Variants in CALHM4 observed in about 807,000 individuals in gnomAD.
CALHM4 encodes calcium homeostasis modulator family member 4.
In CALHM4, 16 loss-of-function variants were observed where a neutral mutation model predicts 13.3. The ratio of observed to expected loss-of-function variants is 1.20; its 90% CI spans 0.81 to 1.82. CALHM4 has a LOEUF of 1.82. Ranked by LOEUF, CALHM4 falls within the 40% of genes most tolerant of loss-of-function variation. The pLI, the probability that CALHM4 is intolerant of heterozygous loss-of-function variation, is 0.00. For missense variants in CALHM4, 344 were observed against 374.9 expected, an observed-to-expected ratio of 0.92 and a Z score of 0.68; for synonymous variants, 127 against 137.1, an observed-to-expected ratio of 0.93 and a Z score of 0.52.
intron 1 of CALHM4, among the ~76,000 whole-genome samples, chr6:116,535,562 C>G (rs918773486): frequency 6.6e-6 from 1 of 152,076 alleles, no homozygotes; most frequent in Non-Finnish European, 1.5e-5. Context: ...TTTTGTATAA[C>G]TAAGGAGGTT....
chr6:116,556,038 C>T (rs72963058), intron 1 of CALHM4, among the ~76,000 whole-genome samples: 10,900 of 152,278 alleles, frequency 0.072, 644 homozygotes, highest in African/African-American at 0.17. Context: ...TTTTACATGA[C>T]TCCTATGAGC....
upstream of CALHM4, among the ~76,000 whole-genome samples, chr6:116,549,875 CTGA>C (rs1212378091): frequency 6.6e-6 from 1 of 150,414 alleles, no homozygotes; most frequent in Non-Finnish European, 1.5e-5. Flanking sequence ...ACTCGGTAGG[CTGA>C]GGCAGGAGAA....
At position 116,558,256 on chromosome 6, in the gene CALHM4, T is replaced by A. The variant is rs1227219412; in HGVS notation, c.*45T>A. 1 of 1,537,968 alleles carries A rather than the reference T, an allele frequency of 6.5e-7. No individual in the cohort carries two copies. Among genetic ancestry groups the A allele is most frequent in the South Asian group, 1.3e-5 (1 of 79,426 alleles). On this transcript the variant is annotated 3_prime_UTR_variant, in exon 2 of 2. Coordinates refer to ENST00000368596, the MANE Select transcript of CALHM4 (RefSeq NM_001366078.2). ...TCAGGTTGCTTAGCAGATACTTGGC[T>A]TTTATGGCTTTTATGATCAGGCCAT...
intron 1 of CALHM4, among the ~76,000 whole-genome samples, chr6:116,532,019 TA>T (rs1772759364): frequency 6.6e-6 from 1 of 152,172 alleles, no homozygotes; most frequent in Non-Finnish European, 1.5e-5. Flanking sequence ...TACCGCAGTT[TA>T]AATCTTGTTG....
At position 116,559,139 on chromosome 6, in the gene CALHM4, T is replaced by A. The variant is rs994849746; in HGVS notation, c.*928T>A. 6.6e-6 allele frequency among the ~76,000 whole-genome samples: 1 copy of A among 152,208 alleles called. No homozygotes were observed. The highest frequency in any genetic ancestry group is 1.5e-5 in the Non-Finnish European group (1 of 68,032). On this transcript the variant is annotated 3_prime_UTR_variant, in exon 2 of 2. Transcript: ENST00000368596. Reference sequence around the variant, plus strand: ...CTGCTTGGTGTTGCTCTGCCTGGCTTTACTAAATGCAGCCTACAGTATCTG... The same window carrying A: ...CTGCTTGGTGTTGCTCTGCCTGGCTATACTAAATGCAGCCTACAGTATCTG...
rs986549063 is a variant in CALHM4 at position 116,561,013 on chromosome 6, A to G, written c.*2802A>G. ...ATGTTTTCCAAAGCTGAATTGTAGAACCGCATTTATACTCTGTCCTTCTCT... is the reference window on the plus strand; with the variant it reads ...ATGTTTTCCAAAGCTGAATTGTAGAGCCGCATTTATACTCTGTCCTTCTCT... On this transcript the variant is annotated 3_prime_UTR_variant, in exon 2 of 2. Coordinates refer to ENST00000368596, the MANE Select transcript of CALHM4 (RefSeq NM_001366078.2). Among the ~76,000 whole-genome samples, 1 of 152,138 alleles carries G rather than the reference A, an allele frequency of 6.6e-6. No individual in the cohort carries two copies. Among genetic ancestry groups the G allele is most frequent in the Non-Finnish European group, 1.5e-5 (1 of 68,020 alleles).
chr6:116,541,328 G>A (rs1773440871), intron 1 of CALHM4, among the ~76,000 whole-genome samples: 2 of 152,098 alleles, frequency 1.3e-5, no homozygotes, highest in African/African-American at 2.4e-5. Flanking sequence ...GAAATCAAAC[G>A]GAACACTATT....
In CALHM4 at chr6:116,554,079, G is replaced by A; in HGVS notation, c.286G>A (p.Glu96Lys). Residue 96 changes from glutamate to lysine, a missense_variant, in exon 1 of 2, where the codon GAG (glutamate) becomes AAG (lysine). By Grantham distance (56) the Glu-to-Lys change is moderately conservative (BLOSUM62 1). Transcript: ENST00000368596. ...TCCATACAGGAGAATCAGCCCCCTA[G>A]AGTGCAAGCTGGCTTGCCTTAGGTT... The part of the protein sequence containing the change: ...APPYRRISPL[E>K]CKLACLRFFS... 2 of 1,550,600 alleles carry A rather than the reference G, an allele frequency of 1.3e-6. No homozygotes were observed. Among genetic ancestry groups the A allele is most frequent in the East Asian group, 2.4e-5 (1 of 40,922 alleles).
intron 1 of CALHM4, among the ~76,000 whole-genome samples, chr6:116,534,032 C>A (rs926741764): frequency 6.6e-5 from 10 of 152,152 alleles, no homozygotes; most frequent in African/African-American, 2.4e-4. Flanking sequence ...TGAATCCCAG[C>A]CTTAAGAAGT....
At chr6:116,543,088 A>G (rs1346191244) in intron 1 of CALHM4, among the ~76,000 whole-genome samples, 1 of 152,170 alleles carries the variant, frequency 6.6e-6, no homozygotes, top group African/African-American at 2.4e-5. Flanking sequence ...AAAACATCCC[A>G]CACTTGATAT....
At chr6:116,556,041 C>T (rs1774301678) in intron 1 of CALHM4, among the ~76,000 whole-genome samples, 1 of 152,226 alleles carries the variant, frequency 6.6e-6, no homozygotes, top group Non-Finnish European at 1.5e-5. Flanking sequence ...TACATGACTC[C>T]TATGAGCATG....
intron 1 of CALHM4, among the ~76,000 whole-genome samples, chr6:116,530,516 A>G (rs1296436665): frequency 6.6e-6 from 1 of 152,144 alleles, no homozygotes; most frequent in Non-Finnish European, 1.5e-5. Context: ...AATACTACCT[A>G]TTGTAGCACA....
intron 1 of CALHM4, chr6:116,540,372 T>C: frequency 6.4e-7 from 1 of 1,550,888 alleles, no homozygotes; most frequent in East Asian, 2.4e-5. Context: ...CCTGGGCAAT[T>C]ATGTCTATAA....
rs1365728094 is a variant in CALHM4 at position 116,553,953 on chromosome 6, G to A, written c.160G>A (p.Ala54Thr). 6.4e-6 allele frequency: 10 copies of A among 1,550,462 alleles called. No homozygotes were observed. The East Asian group carries it at 2.2e-4, about 34-fold the overall frequency. ...QVGKNFYYGSAFLVIPALILL... is the reference protein window; with the variant it reads ...QVGKNFYYGSTFLVIPALILL... The stretch of plus-strand genomic sequence containing the variant: ...TGGAAAAAATTTCTATTATGGTTCT[G>A]CTTTTCTTGTCATTCCTGCCTTGAT... Residue 54 changes from alanine to threonine, a missense_variant, in exon 1 of 2, where the codon GCT becomes ACT. Coordinates refer to ENST00000368596, the MANE Select transcript of CALHM4 (RefSeq NM_001366078.2).
upstream of CALHM4, among the ~76,000 whole-genome samples, chr6:116,550,878 A>G (rs1023113965): frequency 6.6e-5 from 10 of 152,186 alleles, no homozygotes; most frequent in African/African-American, 1.9e-4. Context: ...AATAATGGCC[A>G]AGTTGCTTAC....
intron 1 of CALHM4, chr6:116,543,449 AC>A: frequency 8.1e-6 from 11 of 1,358,302 alleles, no homozygotes; most frequent in Non-Finnish European, 1.1e-5. Flanking sequence ...ATGACAGTAT[AC>A]TACTGTATTT....
chr6:116,543,412 G>A, intron 1 of CALHM4: 1 of 1,543,516 alleles, frequency 6.5e-7, no homozygotes, highest in Non-Finnish European at 8.8e-7. Context: ...TGGAGAAAAA[G>A]GGGTAGTTTC....
chr6:116,548,373 A>G (rs536435223), intron 2 of CALHM4, among the ~76,000 whole-genome samples: 136 of 152,340 alleles, frequency 8.9e-4, no homozygotes, highest in African/African-American at 3.2e-3. Flanking sequence ...ATAGCATCAC[A>G]AAAGAACTAA....
At chr6:116,544,400 C>T (rs543917187) in intron 2 of CALHM4, among the ~76,000 whole-genome samples, 2 of 152,102 alleles carry the variant, frequency 1.3e-5, no homozygotes, top group Middle Eastern at 6.8e-3. Context: ...GGTTCAGTAC[C>T]CATAAAGGCC....
Sources: gnomAD v4.1 joint callset for allele counts (sites outside exome capture counted in the v4.1 genomes callset) on GRCh38, gnomAD v4.1.1 for gene constraint, MANE v1.5 for transcripts, NCBI Gene and HGNC (gene_info 2026-07-23, HGNC 2026-07-21) for gene names.